The following PC variants were observed in gnomAD, a reference collection of about 807,000 sequenced individuals.
PC encodes the protein pyruvate carboxylase, also known as pyruvate carboxylase, mitochondrial.
PC carries 46 observed loss-of-function variants against 107.8 expected under a neutral mutation model. The observed-to-expected ratio is 0.43, with a 90% CI of 0.34 to 0.55. PC has a LOEUF of 0.55. PC is among the 20% of genes least tolerant of loss of function. The pLI, the probability that PC is intolerant of heterozygous loss-of-function variation, is 0.04. For missense variants in PC, 1,241 were observed against 1,643.1 expected, an observed-to-expected ratio of 0.76 and a Z score of 4.23; for synonymous variants, 662 against 684.7, an observed-to-expected ratio of 0.97 and a Z score of 0.52.
chr11:66,856,718 C>T (rs1377177516), intron 12 of PC: 1 of 152,480 alleles, frequency 6.6e-6, no homozygotes, highest in South Asian at 2.1e-4. Context: ...CAAAGACGCC[C>T]GTCTCCGGGA....
Position 66,849,117 on chromosome 11 carries a change from C to T in PC, c.3319G>A (p.Asp1107Asn). 6.2e-7 allele frequency: 1 copy of T among 1,614,100 alleles called. No homozygotes were observed. The highest frequency in any genetic ancestry group is 8.5e-7 in the Non-Finnish European group (1 of 1,180,032). Residue 1107 changes from aspartate to asparagine, a missense_variant, in exon 23 of 23, where the codon GAC becomes AAC. Around this residue, in one of 2 missense-constraint regions of PC, gnomAD observed 1,143 missense variants for 1,551.9 expected, o/e 0.74. Transcript: ENST00000393960. ...EMHFHPKALK[D>N]VKGQIGAPMP... ...GGCGCCCCGATCTGGCCCTTCACGT[C>T]CTTTAGGGCCTTGGGGTGGAAGTGC...
intron 9 of PC, 149 bp from the exon 10 acceptor site, chr11:66,869,113 G>C: frequency 1.5e-6 from 1 of 650,736 alleles, no homozygotes; most frequent in South Asian, 1.8e-5. Context: ...ATGGCAGACA[G>C]ACCCCAGGGC....
At chr11:66,954,921 CAACAA>C (rs1949522808) in intron 1 of PC, among the ~76,000 whole-genome samples, 1 of 144,918 alleles carries the variant, frequency 6.9e-6, no homozygotes, top group Non-Finnish European at 1.5e-5. Flanking sequence ...GCAGCCTGGG[CAACAA>C]AACAAGACTC....
At chr11:66,861,077 G>C (rs1385931056) in intron 12 of PC, among the ~76,000 whole-genome samples, 1 of 152,234 alleles carries the variant, frequency 6.6e-6, no homozygotes, top group South Asian at 2.1e-4. Flanking sequence ...GTGGGTCCGA[G>C]CAGGACCGCA....
chr11:66,862,824 C>T (rs548582590), intron 12 of PC, among the ~76,000 whole-genome samples: 14 of 152,342 alleles, frequency 9.2e-5, no homozygotes, highest in East Asian at 3.9e-4. Flanking sequence ...AAAGACAAGC[C>T]GAGCTGCCAG....
In PC at chr11:66,850,262, C is replaced by T; in HGVS notation, c.2676G>A (p.Lys892=). 1.2e-6 allele frequency: 2 copies of T among 1,614,140 alleles called. No homozygotes were observed. Among genetic ancestry groups the T allele is most frequent in the Non-Finnish European group, 1.7e-6 (2 of 1,180,034 alleles). Residue 892 remains lysine (K), a synonymous_variant, in exon 19 of 23, where the codon AAG becomes AAA. Coordinates refer to ENST00000393960, the MANE Select transcript of PC (RefSeq NM_001040716.2). ...GCATCTGGTTGGCCTCCACATAGGC[C>T]TTCTTGACCTCCTTGAACTTGGAGC... The part of the protein sequence containing the change: ...GLGSKFKEVK[K]AYVEANQMLG...
In PC at chr11:66,852,516, C is replaced by G; in HGVS notation, c.1748G>C (p.Arg583Pro). Residue 583 changes from arginine (R) to proline (P), a missense_variant, in exon 15 of 23, where the codon CGC (arginine) becomes CCC (proline). Coordinates refer to ENST00000393960, the MANE Select transcript of PC (RefSeq NM_001040716.2). The surrounding 1 kb of genome is among the most constrained non-coding windows in gnomAD (Gnocchi z 4.7). Reference protein sequence around the residue: ...AHQSLLATRVRTHDLKKIAPY... With the variant: ...AHQSLLATRVPTHDLKKIAPY... ...GGCGATCTTTTTGAGATCGTGGGTG[C>G]GCACACGAGTGGCCAGCAGTGACTG... The G allele has an allele frequency of 6.2e-7, 1 of 1,614,066 alleles. No individual in the cohort carries two copies. The highest frequency in any genetic ancestry group is 8.5e-7 in the Non-Finnish European group (1 of 1,180,026).
chr11:66,866,477 G>T lies in PC; in HGVS notation c.1023-128C>A. Reference sequence around the variant, plus strand: ...GTGCGACTCCTGCCCATAGGCTCTGGGCCAGCCTGAACAGCCGGTTCCTCC... The same window carrying T: ...GTGCGACTCCTGCCCATAGGCTCTGTGCCAGCCTGAACAGCCGGTTCCTCC... On this transcript the variant is annotated intron_variant, in intron 10 of 22. Coordinates refer to ENST00000393960, the MANE Select transcript of PC (RefSeq NM_001040716.2). This position sits in a 1 kb window ranked among gnomAD's most constrained non-coding sequence, Gnocchi z 5.4. 1.4e-6 allele frequency: 1 copy of T among 716,818 alleles called. No individual in the cohort carries two copies. The highest frequency in any genetic ancestry group is 2.4e-6 in the Non-Finnish European group (1 of 421,528). 44.4% of individuals were successfully genotyped at this position (716,818 alleles called of 1,614,324 possible).
rs1304272365 is a variant in PC, at chr11:66,858,409, C to G, written c.1369-5026G>C. ...TTCTCTCGTGGGCGTGATGCAGAGG[C>G]CTCTCCCGCCCCCCTGGTGCTGAGC... On this transcript the variant is annotated intron_variant, in intron 12 of 22. Coordinates refer to ENST00000393960, the MANE Select transcript of PC (RefSeq NM_001040716.2). This position sits in a 1 kb window ranked among gnomAD's most constrained non-coding sequence, Gnocchi z 5.9. The G allele has an allele frequency of 3.9e-6, 6 of 1,556,594 alleles. No homozygotes were observed. Among genetic ancestry groups the G allele is most frequent in the Non-Finnish European group, 5.2e-6 (6 of 1,156,764 alleles).
chr11:66,940,379 G>T (rs763839005), intron 3 of PC, among the ~76,000 whole-genome samples: 2 of 151,822 alleles, frequency 1.3e-5, no homozygotes, highest in East Asian at 1.9e-4. Context: ...GTGGTTTTTT[G>T]TGTGTGTGTG....
chr11:66,879,504 G>A (rs938434135), intron 3 of PC, among the ~76,000 whole-genome samples: 5 of 152,190 alleles, frequency 3.3e-5, no homozygotes, highest in African/African-American at 1.2e-4. Flanking sequence ...CACAGAGGAG[G>A]GTGTCTGAGG....
rs1271797665 is a variant in PC at position 66,857,322 on chromosome 11, G to C, written c.1369-3939C>G. On this transcript the variant is annotated intron_variant, in intron 12 of 22. Coordinates refer to ENST00000393960, the MANE Select transcript of PC (RefSeq NM_001040716.2). This position sits in a 1 kb window ranked among gnomAD's most constrained non-coding sequence, Gnocchi z 7.1. Reference sequence around the variant, plus strand: ...GTGAGGGGGCCGCCGGGCGCAGCGCGGGGGCCGGCCAGGGAGGGGCCACGG... The same window carrying C: ...GTGAGGGGGCCGCCGGGCGCAGCGCCGGGGCCGGCCAGGGAGGGGCCACGG... 2 of 152,956 alleles carry C rather than the reference G, an allele frequency of 1.3e-5. No individual in the cohort carries two copies. The highest frequency in any genetic ancestry group is 4.8e-5 in the African/African-American group (2 of 41,378). 9.5% of individuals were successfully genotyped at this position (152,956 alleles called of 1,614,324 possible). A position where few individuals can be genotyped will look rare whatever the true frequency, so the allele number is the denominator to read the frequency against.
At chr11:66,938,305 TG>T (rs1949047978) in intron 3 of PC, among the ~76,000 whole-genome samples, 1 of 152,180 alleles carries the variant, frequency 6.6e-6, no homozygotes, top group Non-Finnish European at 1.5e-5. Context: ...CTGAAAAAGT[TG>T]GTTTTAATCA....
Position 66,852,938 on chromosome 11 carries a change from A to G in PC, c.1514-102T>C. On this transcript the variant is annotated intron_variant, in intron 13 of 22. Coordinates refer to ENST00000393960, the MANE Select transcript of PC (RefSeq NM_001040716.2). The surrounding 1 kb of genome is among the most constrained non-coding windows in gnomAD (Gnocchi z 4.7). ...CTCAGGGACAGGGACACATCCCTCC[A>G]GGATCCCCGGGCTTCCAGCTGGCCC... 1 of 924,454 alleles carries G rather than the reference A, an allele frequency of 1.1e-6. No homozygotes were observed. The highest frequency in any genetic ancestry group is 1.6e-6 in the Non-Finnish European group (1 of 618,574). 57.3% of individuals were successfully genotyped at this position (924,454 alleles called of 1,614,324 possible).
At chr11:66,944,842 A>T (rs1346295435) in intron 3 of PC, among the ~76,000 whole-genome samples, 3 of 116,732 alleles carry the variant, frequency 2.6e-5, no homozygotes, top group Non-Finnish European at 5.7e-5. Context: ...ACATCAACGG[A>T]GAGGTCAAAC....
At chr11:66,864,107 T>A in intron 11 of PC, 151 bp from the exon 12 acceptor site, 1 of 799,522 alleles carries the variant, frequency 1.3e-6, no homozygotes, top group Non-Finnish European at 2.1e-6. Flanking sequence ...GCTGGTCAGG[T>A]TTTGCTGTTT....
intron 9 of PC, among the ~76,000 whole-genome samples, 193 bp from the exon 10 acceptor site, chr11:66,869,157 A>G (rs1023369003): frequency 2.0e-5 from 3 of 152,118 alleles, no homozygotes; most frequent in Non-Finnish European, 2.9e-5. Context: ...ACGTCCCCCA[A>G]GTAGTCCACT....
intron 3 of PC, among the ~76,000 whole-genome samples, chr11:66,942,126 C>T (rs1218719573): frequency 2.8e-5 from 4 of 145,270 alleles, no homozygotes; most frequent in South Asian, 2.2e-4. Flanking sequence ...ATGCTGGGCG[C>T]GGTGGCTCAT....
chr11:66,928,085 T>C (rs1018212285), intron 3 of PC, among the ~76,000 whole-genome samples: 2 of 152,080 alleles, frequency 1.3e-5, no homozygotes, highest in African/African-American at 4.8e-5. Flanking sequence ...GTCTACCACC[T>C]TCAGAAGCCC....
Sources: gnomAD v4.1 joint callset for allele counts (sites outside exome capture counted in the v4.1 genomes callset) on GRCh38, gnomAD v4.1.1 for gene constraint, gnomAD v4.1.1 regional missense constraint, Gnocchi (gnomAD v3.1) non-coding constraint, MANE v1.5 for transcripts, NCBI Gene and HGNC (gene_info 2026-07-23, HGNC 2026-07-21) for gene names.